The following TP63 variants were observed in gnomAD, a reference collection of about 807,000 sequenced individuals.
TP63 encodes the protein tumor protein p63.
In TP63, 17 loss-of-function variants were observed where a neutral mutation model predicts 82.8. The observed-to-expected ratio is 0.21, with a 90% confidence interval of 0.14 to 0.31. The LOEUF (loss-of-function observed/expected upper bound fraction) is 0.31, where lower values mean the gene tolerates loss of function less well. TP63 is among the 10% of genes least tolerant of loss of function. The probability of loss-of-function intolerance (pLI) is 1.00; values close to 1 mark genes in which losing one functional copy is unlikely to be tolerated. For missense variants in TP63, 648 were observed against 895.3 expected, an observed-to-expected ratio of 0.72 and a Z score of 3.52; for synonymous variants, 330 against 321.7, an observed-to-expected ratio of 1.03 and a Z score of -0.28.
chr3:189,839,040 T>TAAAAAAAAAAAAAAA (rs5855274), intron 4 of TP63, among the ~76,000 whole-genome samples: 18 of 88,590 alleles, frequency 2.0e-4, no homozygotes, highest in East Asian at 3.8e-4. Context: ...TATCCTAAGC[T>TAAAAAAAAAAAAAAA]AAAAAAAAAA....
At chr3:189,747,758 A>G (rs1196525524) in intron 3 of TP63, among the ~76,000 whole-genome samples, 1 of 152,104 alleles carries the variant, frequency 6.6e-6, no homozygotes, top group African/African-American at 2.4e-5. Context: ...CAAAATATAG[A>G]CTAAAAAAAT....
intron 11 of TP63, among the ~76,000 whole-genome samples, chr3:189,887,033 A>T (rs1376966725): frequency 2.0e-5 from 3 of 151,900 alleles, no homozygotes; most frequent in Non-Finnish European, 4.4e-5. Flanking sequence ...ACATGGTGAA[A>T]CCCCGTCTCT....
chr3:189,834,115 C>T (rs777200595), intron 4 of TP63, among the ~76,000 whole-genome samples: 2 of 152,208 alleles, frequency 1.3e-5, no homozygotes, highest in Non-Finnish European at 2.9e-5. Flanking sequence ...AGACCAGAGG[C>T]GCCGGGAAGC....
At chr3:189,608,494 A>G in the TP63 span, among the ~76,000 whole-genome samples, 4 of 152,282 alleles carry the variant, frequency 2.6e-5, no homozygotes, top group South Asian at 8.3e-4. Context: ...AGGCAATGGT[A>G]AGGGCATTAG....
intron 1 of TP63, among the ~76,000 whole-genome samples, chr3:189,715,371 T>C (rs1179419574): frequency 6.6e-6 from 1 of 152,164 alleles, no homozygotes; most frequent in Non-Finnish European, 1.5e-5. Context: ...TATCTTTTAA[T>C]CTAAAACAGG....
intron 3 of TP63, among the ~76,000 whole-genome samples, chr3:189,788,580 G>C (rs1446502042): frequency 2.0e-5 from 3 of 151,758 alleles, no homozygotes; most frequent in Non-Finnish European, 4.4e-5. Context: ...GTCCCTGAGT[G>C]GGGGGTGGGG....
chr3:189,690,122 GA>G (rs10707339), intron 1 of TP63, among the ~76,000 whole-genome samples: 78,385 of 151,926 alleles, frequency 0.52, 20,853 homozygotes, highest in African/African-American at 0.68. Context: ...GTGGCCTTGG[GA>G]AAAATCGCTT....
intron 4 of TP63, among the ~76,000 whole-genome samples, chr3:189,850,901 T>A (rs146321417): frequency 1.4e-3 from 216 of 152,336 alleles, no homozygotes; most frequent in African/African-American, 5.0e-3. Flanking sequence ...AATTGTGTGA[T>A]TTATTTTAAA....
At chr3:189,640,836 A>G (rs539916337) in intron 1 of TP63, among the ~76,000 whole-genome samples, 1 of 152,278 alleles carries the variant, frequency 6.6e-6, no homozygotes, top group East Asian at 1.9e-4. Context: ...ATTATAGAAC[A>G]CTTTTTTAAA....
intron 3 of TP63, among the ~76,000 whole-genome samples, chr3:189,761,644 A>T (rs1331631945): frequency 6.6e-6 from 1 of 152,204 alleles, no homozygotes; most frequent in Non-Finnish European, 1.5e-5. Flanking sequence ...TCTGCCCGTT[A>T]CCCAGTTCCA....
intron 1 of TP63, among the ~76,000 whole-genome samples, chr3:189,694,285 A>G (rs544562003): frequency 1.3e-5 from 2 of 152,314 alleles, no homozygotes; most frequent in South Asian, 4.1e-4. Flanking sequence ...ATACATTATT[A>G]TGGTATATTT....
At chr3:189,769,356 C>T (rs556748137) in intron 3 of TP63, among the ~76,000 whole-genome samples, 1 of 152,228 alleles carries the variant, frequency 6.6e-6, no homozygotes, top group East Asian at 1.9e-4. Flanking sequence ...AAATGTTATT[C>T]TAGTCAGTTC....
At chr3:189,711,153 T>G (rs1199324725) in intron 1 of TP63, among the ~76,000 whole-genome samples, 1 of 152,160 alleles carries the variant, frequency 6.6e-6, no homozygotes, top group Non-Finnish European at 1.5e-5. Flanking sequence ...CCACTGTTCT[T>G]CCAGTTGAGC....
chr3:189,681,086 A>C (rs1001910175), intron 1 of TP63, among the ~76,000 whole-genome samples: 1 of 152,192 alleles, frequency 6.6e-6, no homozygotes, highest in Non-Finnish European at 1.5e-5. Flanking sequence ...GGGAATTGTA[A>C]AAATGTCCTT....
At position 189,785,725 on chromosome 3, in the gene TP63, T is replaced by C. The variant is rs570318145; in HGVS notation, c.325-22547T>C. On this transcript the variant is annotated intron_variant, in intron 3 of 13. Coordinates refer to ENST00000264731, the MANE Select transcript of TP63 (RefSeq NM_003722.5). ...GTTTGGGGCCAGATTTTAAAGGGCCTTGAATGCCATTCTAAGTAATTTATC... is the reference window on the plus strand; with the variant it reads ...GTTTGGGGCCAGATTTTAAAGGGCCCTGAATGCCATTCTAAGTAATTTATC... Among the ~76,000 whole-genome samples the C allele has an allele frequency of 3.3e-5, 5 of 152,010 alleles. No homozygotes were observed. The South Asian group carries it at 1.0e-3, about 32-fold the overall frequency.
At chr3:189,847,655 A>C (rs17447782) in intron 4 of TP63, among the ~76,000 whole-genome samples, 9,552 of 152,272 alleles carry the variant, frequency 0.063, 404 homozygotes, top group Middle Eastern at 0.092. Context: ...GTCCTTTCTA[A>C]ATAGGCAACG....
At chr3:189,881,322 C>T in intron 10 of TP63, 1 of 985,196 alleles carries the variant, frequency 1.0e-6, no homozygotes, top group Non-Finnish European at 1.2e-6. Context: ...ATTTTAAAAA[C>T]ATATTTTAAG....
At chr3:189,743,180 A>G (rs1201663604) in intron 3 of TP63, among the ~76,000 whole-genome samples, 1 of 152,198 alleles carries the variant, frequency 6.6e-6, no homozygotes, top group East Asian at 1.9e-4. Flanking sequence ...GGTAATTCAC[A>G]AATGATTAAT....
intron 1 of TP63, among the ~76,000 whole-genome samples, chr3:189,689,098 CTTTTTCT>C (rs137986862): frequency 0.17 from 14,475 of 82,906 alleles, 3,888 homozygotes; most frequent in African/African-American, 0.28. Flanking sequence ...TCAAATCTAC[CTTTTTCT>C]TTTTTTTTTT....
Sources: gnomAD v4.1 joint callset for allele counts (sites outside exome capture counted in the v4.1 genomes callset) on GRCh38, gnomAD v4.1.1 for gene constraint, MANE v1.5 for transcripts, NCBI Gene and HGNC (gene_info 2026-07-23, HGNC 2026-07-21) for gene names.